SQOR: variants seen among roughly 807,000 people sequenced by gnomAD.
SQOR encodes sulfide quinone oxidoreductase, also known as sulfide:quinone oxidoreductase, mitochondrial.
SQOR carries 39 observed loss-of-function variants against 48.6 expected under a neutral mutation model. That is an observed-to-expected ratio of 0.80 (90% CI 0.62 to 1.05). The LOEUF (loss-of-function observed/expected upper bound fraction) is 1.05, where lower values mean the gene tolerates loss of function less well. Among genes scored for constraint, SQOR ranks in the 50% least tolerant of loss-of-function variants. The pLI is 0.00. For synonymous variants in SQOR, 220 were observed against 206.2 expected, an observed-to-expected ratio of 1.07 and a Z score of -0.57; for missense variants, 561 against 559.9, an observed-to-expected ratio of 1.00 and a Z score of -0.02.
At chr15:45,661,528 A>T (rs1435629636) in intron 2 of SQOR, among the ~76,000 whole-genome samples, 1 of 152,158 alleles carries the variant, frequency 6.6e-6, no homozygotes, top group Non-Finnish European at 1.5e-5. Context: ...AAGGGGCTGT[A>T]AACTTTCCAG....
chr15:45,680,147 G>A (rs1890102612), intron 6 of SQOR, among the ~76,000 whole-genome samples: 1 of 152,124 alleles, frequency 6.6e-6, no homozygotes, highest in African/African-American at 2.4e-5. Context: ...GAGTGCAGTG[G>A]TACAACCGTG....
At chr15:45,649,657 A>G (rs984363114) in intron 1 of SQOR, among the ~76,000 whole-genome samples, 7 of 151,416 alleles carry the variant, frequency 4.6e-5, no homozygotes, top group Non-Finnish European at 1.0e-4. Context: ...TTTTTTTTGT[A>G]TTTTTGGTAG....
At chr15:45,638,951 C>T (rs547575071) in intron 1 of SQOR, among the ~76,000 whole-genome samples, 1 of 152,284 alleles carries the variant, frequency 6.6e-6, no homozygotes, top group East Asian at 1.9e-4. Context: ...CTTGGACTTT[C>T]AATCTCCAGA....
chr15:45,687,396 G>A (rs1182255029), intron 7 of SQOR, among the ~76,000 whole-genome samples: 4 of 152,230 alleles, frequency 2.6e-5, no homozygotes, highest in African/African-American at 9.6e-5. Context: ...ACAGGCATGA[G>A]CCACCATGCC....
chr15:45,641,109 T>A (rs1017518), intron 1 of SQOR, among the ~76,000 whole-genome samples: 17,837 of 152,206 alleles, frequency 0.12, 1,462 homozygotes, highest in East Asian at 0.45. Context: ...ACTGACATAT[T>A]TTTTCTTTCC....
rs147048242 is a variant in SQOR at position 45,682,990 on chromosome 15, C to A, written c.1048+329C>A. Among the ~76,000 whole-genome samples, 90 of 150,014 alleles carry A rather than the reference C, an allele frequency of 6.0e-4. 1 individual carries two copies. The East Asian group carries it at 0.016, about 26-fold the overall frequency. On this transcript the variant is annotated intron_variant, in intron 7 of 9. Coordinates refer to ENST00000260324, the MANE Select transcript of SQOR (RefSeq NM_021199.4). ...TGCAGTGAGCCAAGATCGCACCACT[C>A]CTTTCCAGCCTGGGTGACAGAGCAA...
At chr15:45,633,194 T>C (rs1894929366), upstream of SQOR, among the ~76,000 whole-genome samples, 1 of 151,918 alleles carries the variant, frequency 6.6e-6, no homozygotes, top group Non-Finnish European at 1.5e-5. Context: ...ATTTCTGGTG[T>C]CCTGTGCCTT....
intron 2 of SQOR, among the ~76,000 whole-genome samples, chr15:45,660,011 A>G (rs1201003652): frequency 1.3e-5 from 2 of 152,220 alleles, no homozygotes; most frequent in African/African-American, 4.8e-5. Context: ...TTTAAATGCA[A>G]GGGCAGATTA....
intron 7 of SQOR, among the ~76,000 whole-genome samples, chr15:45,686,696 T>G (rs931210966): frequency 2.0e-5 from 3 of 152,248 alleles, no homozygotes; most frequent in African/African-American, 7.2e-5. Context: ...TAACCCCTGA[T>G]TTGGGAGATT....
intron 1 of SQOR, among the ~76,000 whole-genome samples, chr15:45,657,967 A>G (rs1889643616): frequency 6.6e-6 from 1 of 152,108 alleles, no homozygotes; most frequent in Non-Finnish European, 1.5e-5. Context: ...AAGTAGATGG[A>G]GTCCTGGATG....
chr15:45,691,067 G>C lies in SQOR; in HGVS notation c.*37G>C. ...CACTTGCTCATCTTGGATGGCTTCT[G>C]GGCCAAAACTGCAGTCACTGAATGA... On this transcript the variant is annotated 3_prime_UTR_variant, in exon 10 of 10. Coordinates refer to ENST00000260324, the MANE Select transcript of SQOR (RefSeq NM_021199.4). 6.3e-7 allele frequency: 1 copy of C among 1,576,514 alleles called. No individual in the cohort carries two copies. The highest frequency in any genetic ancestry group is 8.7e-7 in the Non-Finnish European group (1 of 1,145,850).
intron 4 of SQOR, among the ~76,000 whole-genome samples, chr15:45,671,996 C>T (rs1566921202): frequency 6.6e-6 from 1 of 152,208 alleles, no homozygotes; most frequent in African/African-American, 2.4e-5. Flanking sequence ...GATGAGGGGT[C>T]AAAACCACCC....
intron 1 of SQOR, 132 bp from the exon 2 acceptor site, chr15:45,658,775 G>C: frequency 3.1e-6 from 2 of 645,686 alleles, no homozygotes; most frequent in Non-Finnish European, 4.9e-6. Flanking sequence ...AGTGGGGAAA[G>C]TGGTCTTGAG....
intron 1 of SQOR, among the ~76,000 whole-genome samples, chr15:45,651,896 T>C (rs56190351): frequency 0.089 from 13,611 of 152,176 alleles, 732 homozygotes; most frequent in Middle Eastern, 0.21. Context: ...TCTTCTTCTT[T>C]CTTTTTTTTA....
chr15:45,643,195 C>A (rs594516), intron 1 of SQOR, among the ~76,000 whole-genome samples: 14,395 of 152,150 alleles, frequency 0.095, 949 homozygotes, highest in Admixed American at 0.2. Context: ...TACTTGTGGA[C>A]ACATTCTTTT....
intron 1 of SQOR, among the ~76,000 whole-genome samples, chr15:45,655,975 G>C (rs946517293): frequency 2.0e-5 from 3 of 151,200 alleles, no homozygotes; most frequent in Admixed American, 2.0e-4. Flanking sequence ...GTGAGCCACC[G>C]TGCCTGGCCT....
intron 4 of SQOR, 32 bp from the exon 5 acceptor site, chr15:45,673,575 G>T (rs1347457418): frequency 6.2e-7 from 1 of 1,601,336 alleles, no homozygotes; most frequent in African/African-American, 1.3e-5. Flanking sequence ...TTGCACTTTT[G>T]TTTAAAATAA....
At chr15:45,648,189 T>TTG (rs929110884) in intron 1 of SQOR, among the ~76,000 whole-genome samples, 6 of 152,094 alleles carry the variant, frequency 3.9e-5, no homozygotes, top group African/African-American at 1.2e-4. Context: ...TTTTGTTTTT[T>TTG]TTTTGAGACG....
At chr15:45,637,824 C>T (rs1228766016) in intron 1 of SQOR, among the ~76,000 whole-genome samples, 1 of 152,196 alleles carries the variant, frequency 6.6e-6, no homozygotes, top group Admixed American at 6.5e-5. Context: ...TGGAGACGGA[C>T]CCATGACAAG....
Sources: gnomAD v4.1 joint callset for allele counts (sites outside exome capture counted in the v4.1 genomes callset) on GRCh38, gnomAD v4.1.1 for gene constraint, MANE v1.5 for transcripts, NCBI Gene and HGNC (gene_info 2026-07-23, HGNC 2026-07-21) for gene names.